The following KDM2A variants were observed in gnomAD, a reference collection of about 807,000 sequenced individuals.
The protein encoded by KDM2A is lysine-specific demethylase 2A.
Under a neutral mutation model 137.3 loss-of-function variants are expected in KDM2A, and 3 were observed. The ratio of observed to expected loss-of-function variants is 0.02; its 90% confidence interval spans 0.01 to 0.06. KDM2A has a LOEUF of 0.06. Ranked by LOEUF, KDM2A falls within the 10% of genes least tolerant of loss-of-function variation. The pLI is 1.00. For synonymous variants in KDM2A, 512 were observed against 541.5 expected (o/e 0.95, Z 0.76); for missense variants, 738 against 1,510.6 (o/e 0.49, Z 8.48).
intron 10 of KDM2A, 106 bp from the exon 11 acceptor site, chr11:67,227,931 G>A (rs1858597968): frequency 1.7e-6 from 2 of 1,201,430 alleles, no homozygotes; most frequent in African/African-American, 3.0e-5. Flanking sequence ...GGGTTTGCAG[G>A]TTGACTGGTG....
At chr11:67,163,541 T>C (rs1177896183) in intron 2 of KDM2A, among the ~76,000 whole-genome samples, 2 of 152,098 alleles carry the variant, frequency 1.3e-5, no homozygotes, top group Non-Finnish European at 2.9e-5. Flanking sequence ...TCCAGTCCAA[T>C]GTAGAATCAT....
At chr11:67,189,364 A>G (rs1363916762) in intron 5 of KDM2A, among the ~76,000 whole-genome samples, 1 of 152,214 alleles carries the variant, frequency 6.6e-6, no homozygotes, top group African/African-American at 2.4e-5. Flanking sequence ...CAGCCTACCA[A>G]AACTTATAGG....
chr11:67,223,174 A>G (rs2136409366), intron 10 of KDM2A, among the ~76,000 whole-genome samples: 1 of 150,898 alleles, frequency 6.6e-6, no homozygotes, highest in East Asian at 1.9e-4. Flanking sequence ...CCTGGGCGAC[A>G]AGAATGAAAC....
intron 5 of KDM2A, 70 bp downstream of exon 5, chr11:67,181,962 G>T: frequency 7.5e-7 from 1 of 1,333,038 alleles, no homozygotes; most frequent in South Asian, 1.2e-5. Context: ...TTAAATCTCT[G>T]ACTGAGATTT....
intron 2 of KDM2A, among the ~76,000 whole-genome samples, chr11:67,129,733 CAAAAAAA>C (rs200961023): frequency 8.8e-5 from 5 of 56,500 alleles, no homozygotes; most frequent in Admixed American, 2.1e-4. Context: ...GACTCCATCT[CAAAAAAA>C]AAAAAAAAAA....
At chr11:67,196,265 C>G in intron 5 of KDM2A, 1 of 456,142 alleles carries the variant, frequency 2.2e-6, no homozygotes, top group Non-Finnish European at 4.4e-6. Flanking sequence ...GCTGCCACCT[C>G]CAGTTCTTCA....
At chr11:67,165,519 G>A (rs1354796263) in intron 2 of KDM2A, among the ~76,000 whole-genome samples, 2 of 152,246 alleles carry the variant, frequency 1.3e-5, no homozygotes, top group Middle Eastern at 3.4e-3. Flanking sequence ...TTGAAATAGA[G>A]GTCATTTGTT....
rs998959473 is a variant in KDM2A at position 67,217,988 on chromosome 11, GA to G, written c.841+108del. On this transcript the variant is annotated intron_variant, in intron 9 of 20. Coordinates refer to ENST00000529006, the MANE Select transcript of KDM2A (RefSeq NM_012308.3). Reference sequence around the variant, plus strand: ...ATAGTTATGATGCTGGGCGTCTGCAGAAAACAACAGTGTTTCTTCCTGTCAT... The same window carrying G: ...ATAGTTATGATGCTGGGCGTCTGCAGAAACAACAGTGTTTCTTCCTGTCAT... 87 of 996,496 alleles carry G rather than the reference GA, an allele frequency of 8.7e-5. No individual in the cohort carries two copies. In the African/African-American group the frequency reaches 1.3e-3, roughly 15 times the overall value. The allele number at this position is 996,496 out of a possible 1,614,324, so 61.7% of individuals were successfully genotyped here. A position where few individuals can be genotyped will look rare whatever the true frequency, so the allele number is the denominator to read the frequency against.
At chr11:67,178,715 G>A (rs891399665) in intron 2 of KDM2A, among the ~76,000 whole-genome samples, 1 of 152,014 alleles carries the variant, frequency 6.6e-6, no homozygotes, top group African/African-American at 2.4e-5. Context: ...ATGGCACATA[G>A]CGTTATTTCA....
intron 5 of KDM2A, among the ~76,000 whole-genome samples, chr11:67,186,800 G>T (rs1310533200): frequency 6.6e-6 from 1 of 152,178 alleles, no homozygotes; most frequent in Non-Finnish European, 1.5e-5. Context: ...GGGTATAGTG[G>T]TATATGCCTG....
At chr11:67,136,640 T>C (rs1855975004) in intron 2 of KDM2A, among the ~76,000 whole-genome samples, 1 of 152,198 alleles carries the variant, frequency 6.6e-6, no homozygotes, top group South Asian at 2.1e-4. Context: ...GGTGGCATTT[T>C]GTACTGAGAC....
intron 2 of KDM2A, among the ~76,000 whole-genome samples, chr11:67,157,746 CAAAAAAAA>C (rs34189357): frequency 1.7e-4 from 13 of 78,068 alleles, no homozygotes; most frequent in African/African-American, 5.8e-4. Context: ...ACTCCGTCTC[CAAAAAAAA>C]AAAAAAAAAA....
chr11:67,252,161 TG>T (rs1859448328), intron 17 of KDM2A, among the ~76,000 whole-genome samples: 1 of 152,172 alleles, frequency 6.6e-6, no homozygotes, highest in East Asian at 1.9e-4. Flanking sequence ...TCTGTAAGCC[TG>T]ATAAAGAGCC....
chr11:67,219,460 T>TG, intron 10 of KDM2A, 57 bp downstream of exon 10: 1 of 832,050 alleles, frequency 1.2e-6, no homozygotes, highest in East Asian at 3.1e-5. Flanking sequence ...TTATGATAGA[T>TG]GTTACAAGAG....
intron 5 of KDM2A, among the ~76,000 whole-genome samples, chr11:67,201,772 C>CAAAAAAAAAAAAAAAAAAAAAAAAAA (rs71056184): frequency 2.6e-5 from 1 of 37,812 alleles, no homozygotes; most frequent in African/African-American, 1.2e-4. Context: ...GACTCCATCT[C>CAAAAAAAAAAAAAAAAAAAAAAAAAA]AAAAAAAAAA....
At chr11:67,198,145 T>C (rs1431944856) in intron 5 of KDM2A, among the ~76,000 whole-genome samples, 2 of 152,070 alleles carry the variant, frequency 1.3e-5, no homozygotes, top group African/African-American at 2.4e-5. Flanking sequence ...GGAAGAAAAT[T>C]CATGTATAAG....
chr11:67,247,037 TTATATATATA>T (rs59101290), intron 15 of KDM2A, among the ~76,000 whole-genome samples: 34 of 33,070 alleles, frequency 1.0e-3, no homozygotes, highest in South Asian at 5.3e-3. Flanking sequence ...ATAAATTATT[TTATATATATA>T]TATATATATA....
Position 67,242,288 on chromosome 11 carries a change from GT to G in KDM2A, c.1480-720del, listed in dbSNP as rs1196666029. On this transcript the variant is annotated intron_variant, in intron 12 of 20. Transcript: ENST00000529006. ...TCTGTGGGTGTGTGTATGTGTGTGT[GT>G]GTGTGTGTGTGTGTGAGAGAGAGAG... Among the ~76,000 whole-genome samples, 67 of 151,956 alleles carry G rather than the reference GT, an allele frequency of 4.4e-4. 1 individual carries two copies. The highest frequency in any genetic ancestry group is 3.4e-3 in the Middle Eastern group (1 of 294).
At chr11:67,186,860 G>A (rs1021161276) in intron 5 of KDM2A, among the ~76,000 whole-genome samples, 1 of 152,136 alleles carries the variant, frequency 6.6e-6, no homozygotes, top group African/African-American at 2.4e-5. Context: ...TTGAACCCAG[G>A]AATTCAAGAC....
Sources: allele counts gnomAD v4.1 joint callset (sites outside exome capture counted in the v4.1 genomes callset), GRCh38; gene constraint gnomAD v4.1.1; transcripts MANE v1.5; gene names NCBI Gene and HGNC (gene_info 2026-07-23, HGNC 2026-07-21).